Variants in ASAP1 observed in about 807,000 individuals in gnomAD.
The protein encoded by ASAP1 is ArfGAP with SH3 domain, ankyrin repeat and PH domain 1.
In ASAP1, 43 loss-of-function variants were observed where a neutral mutation model predicts 145.2. The ratio of observed to expected loss-of-function variants is 0.30; its 90% confidence interval spans 0.23 to 0.38. The LOEUF is 0.38. Ranked by LOEUF, ASAP1 falls within the 10% of genes least tolerant of loss-of-function variation. The pLI is 1.00. For synonymous variants in ASAP1, 546 were observed against 515.5 expected (o/e 1.06, Z -0.80); for missense variants, 1,018 against 1,355.3 (o/e 0.75, Z 3.91).
At chr8:130,376,493 C>T (rs1402768155) in intron 2 of ASAP1, among the ~76,000 whole-genome samples, 5 of 152,058 alleles carry the variant, frequency 3.3e-5, no homozygotes, top group Non-Finnish European at 7.4e-5. Context: ...TTTGGGAGGC[C>T]GAGGTGGGTG....
At chr8:130,151,013 A>G (rs539056478) in intron 13 of ASAP1, among the ~76,000 whole-genome samples, 1 of 152,340 alleles carries the variant, frequency 6.6e-6, no homozygotes, top group East Asian at 1.9e-4. Context: ...AAAATTATCT[A>G]ATTTTTCATT....
At chr8:130,409,354 C>T (rs16904265) in intron 1 of ASAP1, among the ~76,000 whole-genome samples, 1 of 152,040 alleles carries the variant, frequency 6.6e-6, no homozygotes, top group Non-Finnish European at 1.5e-5. Flanking sequence ...TTGTACTAAT[C>T]GCTAGGTCTT....
intron 11 of ASAP1, 35 bp downstream of exon 11, chr8:130,167,484 AAGCAGCCTTACCTACAC>A (rs2097682331): frequency 7.0e-7 from 1 of 1,435,112 alleles, no homozygotes; most frequent in African/African-American, 1.4e-5. Context: ...AGGGTATTAC[AAGCAGCCTTACCTACAC>A]TGTTAGCCCT....
At chr8:130,332,169 T>C (rs1824731461) in intron 3 of ASAP1, among the ~76,000 whole-genome samples, 2 of 152,238 alleles carry the variant, frequency 1.3e-5, no homozygotes, top group Admixed American at 1.3e-4. Flanking sequence ...AGAAACAGTC[T>C]GATTTGATGG....
intron 29 of ASAP1, 37 bp downstream of exon 29, chr8:130,057,917 G>C: frequency 1.2e-6 from 2 of 1,610,356 alleles, no homozygotes; most frequent in Non-Finnish European, 1.7e-6. Flanking sequence ...CATGCTGTAT[G>C]AATGTACGGA....
intron 16 of ASAP1, 48 bp downstream of exon 16, chr8:130,127,879 G>A (rs769693837): frequency 1.3e-5 from 20 of 1,598,438 alleles, no homozygotes; most frequent in Non-Finnish European, 1.6e-5. Flanking sequence ...TATTCTACAG[G>A]AAGAGAAAGG....
intron 15 of ASAP1, among the ~76,000 whole-genome samples, chr8:130,131,635 T>C (rs13269735): frequency 0.47 from 55,801 of 117,556 alleles, 12,037 homozygotes; most frequent in East Asian, 0.67. Context: ...AAAAAAGAAA[T>C]GAAAATTAGC....
chr8:130,137,789 C>T (rs150916144), intron 13 of ASAP1, among the ~76,000 whole-genome samples: 1 of 152,254 alleles, frequency 6.6e-6, no homozygotes. Context: ...TAGATAGTCA[C>T]GCTAACTTAG....
At chr8:130,360,349 G>C (rs1826652199) in intron 2 of ASAP1, among the ~76,000 whole-genome samples, 1 of 152,144 alleles carries the variant, frequency 6.6e-6, no homozygotes, top group Non-Finnish European at 1.5e-5. Flanking sequence ...TCACATGAAA[G>C]CAAAAGATAA....
At chr8:130,248,084 C>G (rs2136813279) in intron 3 of ASAP1, among the ~76,000 whole-genome samples, 1 of 152,210 alleles carries the variant, frequency 6.6e-6, no homozygotes, top group East Asian at 1.9e-4. Context: ...GTGGGCCTAT[C>G]TGTGGCATCA....
Position 130,157,612 on chromosome 8 carries a change from C to T in ASAP1, c.1010+2252G>A, listed in dbSNP as rs549571706. Among the ~76,000 whole-genome samples the T allele has an allele frequency of 4.6e-5, 7 of 152,294 alleles. No homozygotes were observed. In the East Asian group the frequency reaches 1.2e-3, roughly 25 times the overall value. ...AACCCTCTAATGATTCCCCACCTCA[C>T]GGAGTGGTTCCCTGTCCCTCTGACC... On this transcript the variant is annotated intron_variant, in intron 12 of 29. Transcript: ENST00000518721.
intron 3 of ASAP1, among the ~76,000 whole-genome samples, chr8:130,317,026 T>C (rs1823702638): frequency 6.6e-6 from 1 of 152,012 alleles, no homozygotes; most frequent in African/African-American, 2.4e-5. Context: ...GGCCCTACTA[T>C]CATTTGGTAC....
chr8:130,099,680 C>CTTT lies in ASAP1; in HGVS notation c.2402-7540_2402-7538dup, dbSNP rs57950334. ...TTGTAGCACATGAAAGGATTTCATT[C>CTTT]TTTTTTTTTTTTTTTTTTTTGAGAC... On this transcript the variant is annotated intron_variant, in intron 24 of 29. Transcript: ENST00000518721. Among the ~76,000 whole-genome samples, 188 of 100,158 alleles carry CTTT rather than the reference C, an allele frequency of 1.9e-3. 1 individual carries two copies. Among genetic ancestry groups the CTTT allele is most frequent in the Non-Finnish European group, 2.9e-3 (139 of 48,240 alleles). 65.7% of individuals were successfully genotyped at this position (100,158 alleles called of 152,430 possible). A position where few individuals can be genotyped will look rare whatever the true frequency, so the allele number is the denominator to read the frequency against.
intron 3 of ASAP1, among the ~76,000 whole-genome samples, chr8:130,347,297 GACCAC>G (rs1256287889): frequency 1.3e-5 from 2 of 152,184 alleles, no homozygotes; most frequent in African/African-American, 4.8e-5. Flanking sequence ...ACAGTGCTCT[GACCAC>G]AGTCCTTCCA....
At chr8:130,128,172 CAAA>C in intron 15 of ASAP1, 82 bp from the exon 16 acceptor site, 3 of 413,342 alleles carry the variant, frequency 7.3e-6, no homozygotes, top group Non-Finnish European at 9.0e-6. Flanking sequence ...TTTGCCACTG[CAAA>C]AAAAAAAAAT....
At chr8:130,177,580 A>T (rs1471958288) in intron 9 of ASAP1, among the ~76,000 whole-genome samples, 1 of 152,230 alleles carries the variant, frequency 6.6e-6, no homozygotes, top group African/African-American at 2.4e-5. Flanking sequence ...AGCCAAAAGT[A>T]AGTTAGTTAA....
chr8:130,214,406 G>A (rs1469288), intron 5 of ASAP1, 150 bp downstream of exon 5: 204,794 of 614,068 alleles, frequency 0.33, 36,691 homozygotes, highest in East Asian at 0.61. Context: ...TTGAGGTGTG[G>A]AAGTTACCTA....
At chr8:130,220,186 A>G (rs1282950412) in intron 4 of ASAP1, among the ~76,000 whole-genome samples, 1 of 152,218 alleles carries the variant, frequency 6.6e-6, no homozygotes, top group Non-Finnish European at 1.5e-5. Context: ...AAACTAGACC[A>G]GAAAAGGCCA....
intron 1 of ASAP1, among the ~76,000 whole-genome samples, chr8:130,414,721 T>C (rs1366893861): frequency 2.6e-5 from 4 of 152,168 alleles, no homozygotes; most frequent in Admixed American, 2.6e-4. Context: ...GTGTCTTATT[T>C]ATGAGGGTGG....
Sources: gnomAD v4.1 joint callset for allele counts (sites outside exome capture counted in the v4.1 genomes callset) on GRCh38, gnomAD v4.1.1 for gene constraint, MANE v1.5 for transcripts, NCBI Gene and HGNC (gene_info 2026-07-23, HGNC 2026-07-21) for gene names.